The following ELP4 variants were observed in gnomAD, a reference collection of about 807,000 sequenced individuals.
ELP4 encodes the protein elongator complex protein 4.
A neutral mutation model predicts 48.9 loss-of-function variants in ELP4; 51 were observed. The ratio of observed to expected loss-of-function variants is 1.04; its 90% CI spans 0.83 to 1.32. ELP4 has a LOEUF of 1.32. ELP4 is among the 40% of genes most tolerant of loss of function. The pLI, the probability that ELP4 is intolerant of heterozygous loss-of-function variation, is 0.00. For missense variants in ELP4, 519 were observed against 514.6 expected, an observed-to-expected ratio of 1.01 and a Z score of -0.08; for synonymous variants, 210 against 189.2, an observed-to-expected ratio of 1.11 and a Z score of -0.90.
intron 3 of ELP4, among the ~76,000 whole-genome samples, chr11:31,592,326 T>C (rs537007826): frequency 3.7e-4 from 57 of 152,130 alleles, no homozygotes; most frequent in African/African-American, 1.4e-3. Flanking sequence ...GGCAGATTGC[T>C]TTAGCTCAGG....
At chr11:31,776,982 G>C (rs1948261658) in intron 9 of ELP4, among the ~76,000 whole-genome samples, 1 of 152,054 alleles carries the variant, frequency 6.6e-6, no homozygotes, top group South Asian at 2.1e-4. Flanking sequence ...TTTGGTTCTG[G>C]CATTGTTTCC....
chr11:31,622,562 T>G (rs1473122780), intron 5 of ELP4, among the ~76,000 whole-genome samples: 3 of 151,666 alleles, frequency 2.0e-5, no homozygotes, highest in Non-Finnish European at 4.4e-5. Flanking sequence ...TACAGCTAAT[T>G]TTTTTATCTT....
chr11:31,530,181 T>C (rs1956370297), intron 2 of ELP4, among the ~76,000 whole-genome samples: 1 of 152,208 alleles, frequency 6.6e-6, no homozygotes, highest in African/African-American at 2.4e-5. Context: ...TGTAATTGAC[T>C]ATTGACTAAG....
intron 9 of ELP4, among the ~76,000 whole-genome samples, chr11:31,720,818 G>A (rs922591820): frequency 3.9e-5 from 6 of 152,092 alleles, no homozygotes; most frequent in Non-Finnish European, 8.8e-5. Flanking sequence ...AAGCAGATTC[G>A]CACTGCAAGA....
intron 9 of ELP4, among the ~76,000 whole-genome samples, chr11:31,755,090 A>G (rs1309765176): frequency 6.6e-6 from 1 of 152,210 alleles, no homozygotes; most frequent in Non-Finnish European, 1.5e-5. Context: ...AGAAAGATGG[A>G]TGGGGACATG....
rs574245783 is a variant in ELP4 at position 31,632,359 on chromosome 11, C to T, written c.881C>T (p.Thr294Ile). Reference protein sequence around the residue: ...FLYVLRGLLRTSLSACIITMP... With the variant: ...FLYVLRGLLRISLSACIITMP... ...TATGTTCTCCGTGGTCTTCTGAGAACCTCTCTTTCAGCCTGCATCATCACA... is the reference window on the plus strand; with the variant it reads ...TATGTTCTCCGTGGTCTTCTGAGAATCTCTCTTTCAGCCTGCATCATCACA... The change falls in exon 7 of 10, where the codon ACC (threonine) becomes ATC (isoleucine). Residue 294 changes from threonine (T) to isoleucine (I), a missense_variant. By Grantham distance (89) the Thr-to-Ile change is moderately conservative. Transcript: ENST00000640961. 1.2e-6 allele frequency: 2 copies of T among 1,613,006 alleles called. No homozygotes were observed. The highest frequency in any genetic ancestry group is 1.7e-6 in the Non-Finnish European group (2 of 1,179,552).
At chr11:31,782,454 A>ACT (rs1565152335) in intron 9 of ELP4, among the ~76,000 whole-genome samples, 1 of 152,160 alleles carries the variant, frequency 6.6e-6, no homozygotes, top group Admixed American at 6.5e-5. Context: ...CTCCCACACC[A>ACT]CTTTGTGTCT....
chr11:31,590,151 CAAT>C (rs1442596675), intron 3 of ELP4, among the ~76,000 whole-genome samples: 4 of 152,098 alleles, frequency 2.6e-5, no homozygotes, highest in African/African-American at 7.2e-5. Flanking sequence ...ACCTAAAAGG[CAAT>C]AATAATAGTA....
intron 9 of ELP4, among the ~76,000 whole-genome samples, chr11:31,734,127 T>C (rs769213011): frequency 3.3e-5 from 5 of 152,284 alleles, no homozygotes; most frequent in Non-Finnish European, 1.5e-5. Flanking sequence ...CACATGATCA[T>C]CTTAATATAT....
intron 7 of ELP4, chr11:31,645,575 G>A (rs1469063245): frequency 2.0e-5 from 3 of 151,664 alleles, no homozygotes; most frequent in Non-Finnish European, 4.4e-5. Flanking sequence ...GAATAGATGA[G>A]TTCTAACAAA....
chr11:31,578,670 C>G (rs1030983752), intron 3 of ELP4, among the ~76,000 whole-genome samples: 3 of 152,116 alleles, frequency 2.0e-5, no homozygotes, highest in Non-Finnish European at 2.9e-5. Flanking sequence ...ACAAACCTGA[C>G]AAAAACAAGA....
intron 9 of ELP4, among the ~76,000 whole-genome samples, chr11:31,655,195 A>T (rs990984926): frequency 6.6e-6 from 1 of 151,996 alleles, no homozygotes; most frequent in Non-Finnish European, 1.5e-5. Context: ...ATATCAGCAT[A>T]TAATAGCATT....
At chr11:31,592,255 A>G (rs1173757046) in intron 3 of ELP4, among the ~76,000 whole-genome samples, 2 of 152,160 alleles carry the variant, frequency 1.3e-5, no homozygotes, top group African/African-American at 2.4e-5. Context: ...TTTAAAAAAT[A>G]TATAAAGAGT....
chr11:31,614,623 A>G (rs1958042145), intron 5 of ELP4, among the ~76,000 whole-genome samples: 2 of 152,250 alleles, frequency 1.3e-5, no homozygotes, highest in Non-Finnish European at 2.9e-5. Flanking sequence ...GGAGAAGACT[A>G]GAAGAATTGC....
At chr11:31,710,298 G>A (rs1422088541) in intron 9 of ELP4, among the ~76,000 whole-genome samples, 2 of 152,196 alleles carry the variant, frequency 1.3e-5, no homozygotes. Context: ...ACATTTTTGA[G>A]TTGAGATTGA....
At chr11:31,657,867 T>A (rs1391768080) in intron 9 of ELP4, among the ~76,000 whole-genome samples, 1 of 151,952 alleles carries the variant, frequency 6.6e-6, no homozygotes, top group Non-Finnish European at 1.5e-5. Flanking sequence ...TTAAAAAAAA[T>A]AAGTTTTATT....
chr11:31,617,718 CA>C (rs1262441214), intron 5 of ELP4, among the ~76,000 whole-genome samples: 3 of 63,516 alleles, frequency 4.7e-5, no homozygotes, highest in Admixed American at 1.8e-4. Context: ...TATTCCAAGC[CA>C]AAAAAAAGTT....
chr11:31,580,506 G>A (rs924982913), intron 3 of ELP4, among the ~76,000 whole-genome samples: 4 of 151,864 alleles, frequency 2.6e-5, no homozygotes, highest in African/African-American at 9.7e-5. Flanking sequence ...CAATTTTTAT[G>A]TTTATTACTG....
intron 9 of ELP4, among the ~76,000 whole-genome samples, chr11:31,661,636 T>A (rs936170688): frequency 3.3e-5 from 5 of 151,194 alleles, no homozygotes; most frequent in South Asian, 2.1e-4. Context: ...ATGAATGTCC[T>A]CTTGATATTG....
Sources: gnomAD v4.1 joint callset for allele counts (sites outside exome capture counted in the v4.1 genomes callset) on GRCh38, gnomAD v4.1.1 for gene constraint, MANE v1.5 for transcripts, NCBI Gene and HGNC (gene_info 2026-07-23, HGNC 2026-07-21) for gene names.